The following FSTL5 variants were observed in gnomAD, a reference collection of about 807,000 sequenced individuals.
The protein encoded by FSTL5 is follistatin-related protein 5.
FSTL5 carries 62 observed loss-of-function variants against 89.1 expected under a neutral mutation model. The observed-to-expected ratio is 0.70, with a 90% CI of 0.57 to 0.86. The LOEUF is 0.86. Among genes scored for constraint, FSTL5 ranks in the 40% least tolerant of loss-of-function variants. The pLI is 0.00. For missense variants in FSTL5, 1,057 were observed against 1,001.6 expected (o/e 1.06, Z -0.75); for synonymous variants, 383 against 346.2 (o/e 1.11, Z -1.18).
chr4:162,040,397 T>C (rs1367114967), intron 2 of FSTL5, among the ~76,000 whole-genome samples: 1 of 152,022 alleles, frequency 6.6e-6, no homozygotes, highest in Non-Finnish European at 1.5e-5. Flanking sequence ...TTCTGACACA[T>C]GAATACTCAT....
intron 2 of FSTL5, among the ~76,000 whole-genome samples, chr4:162,067,205 C>T (rs900905518): frequency 1.3e-5 from 2 of 151,958 alleles, no homozygotes; most frequent in Non-Finnish European, 2.9e-5. Flanking sequence ...AAGGCCATGC[C>T]CCCACACCCA....
intron 15 of FSTL5, among the ~76,000 whole-genome samples, chr4:161,418,002 GA>G (rs1560885299): frequency 6.6e-6 from 1 of 151,910 alleles, no homozygotes; most frequent in Non-Finnish European, 1.5e-5. Context: ...AGATTGATGA[GA>G]AAAAAAATCA....
intron 15 of FSTL5, among the ~76,000 whole-genome samples, chr4:161,428,725 C>T (rs1026418595): frequency 1.1e-4 from 16 of 152,102 alleles, no homozygotes; most frequent in African/African-American, 2.9e-4. Context: ...CAGTGATACC[C>T]GGACAGTACT....
At chr4:161,441,729 G>GT (rs1477911502) in intron 15 of FSTL5, among the ~76,000 whole-genome samples, 1 of 152,036 alleles carries the variant, frequency 6.6e-6, no homozygotes, top group Non-Finnish European at 1.5e-5. Context: ...AGGGTTCAAG[G>GT]TTTTTTGAAT....
chr4:161,412,002 A>T (rs1231198504), intron 15 of FSTL5, among the ~76,000 whole-genome samples: 1 of 152,220 alleles, frequency 6.6e-6, no homozygotes, highest in African/African-American at 2.4e-5. Context: ...GTTTCACCAT[A>T]CAAAATTAAT....
At chr4:161,881,813 T>G (rs1732644469) in intron 4 of FSTL5, among the ~76,000 whole-genome samples, 1 of 152,170 alleles carries the variant, frequency 6.6e-6, no homozygotes, top group East Asian at 1.9e-4. Flanking sequence ...AGCATAATAC[T>G]TTGTGATCAT....
intron 3 of FSTL5, among the ~76,000 whole-genome samples, chr4:161,929,342 C>T (rs1264229382): frequency 6.6e-6 from 1 of 150,936 alleles, no homozygotes; most frequent in African/African-American, 2.4e-5. Flanking sequence ...TTTCCTTTCT[C>T]CAGCACCATA....
chr4:162,031,240 A>C (rs2111190511), intron 3 of FSTL5, among the ~76,000 whole-genome samples: 1 of 152,310 alleles, frequency 6.6e-6, no homozygotes, highest in South Asian at 2.1e-4. Context: ...GCAGAAAATA[A>C]GACTTCTAGA....
intron 8 of FSTL5, among the ~76,000 whole-genome samples, chr4:161,543,530 C>T (rs972820079): frequency 6.6e-6 from 1 of 151,788 alleles, no homozygotes; most frequent in African/African-American, 2.4e-5. Context: ...AAAAAAAAAT[C>T]TTGAAAAAGT....
chr4:161,784,067 C>T (rs1310312734), intron 4 of FSTL5, among the ~76,000 whole-genome samples: 3 of 151,778 alleles, frequency 2.0e-5, no homozygotes, highest in East Asian at 3.9e-4. Flanking sequence ...TCTTAGGTAG[C>T]TGGGATTACA....
chr4:161,696,468 A>T (rs1738173161), intron 6 of FSTL5, among the ~76,000 whole-genome samples: 1 of 152,028 alleles, frequency 6.6e-6, no homozygotes, highest in Admixed American at 6.6e-5. Context: ...TATGAATTTT[A>T]GGATTGTTTT....
intron 6 of FSTL5, among the ~76,000 whole-genome samples, chr4:161,658,091 T>C (rs1407691982): frequency 6.6e-6 from 1 of 152,190 alleles, no homozygotes; most frequent in African/African-American, 2.4e-5. Context: ...AAACATCTTG[T>C]CCATTTCTTT....
intron 13 of FSTL5, among the ~76,000 whole-genome samples, chr4:161,468,954 T>C (rs1365847446): frequency 2.0e-5 from 3 of 152,166 alleles, no homozygotes; most frequent in Non-Finnish European, 4.4e-5. Flanking sequence ...TTTACCATCT[T>C]AACCATTTTT....
At chr4:162,039,653 T>A (rs1737873437) in intron 2 of FSTL5, among the ~76,000 whole-genome samples, 1 of 152,002 alleles carries the variant, frequency 6.6e-6, no homozygotes, top group Non-Finnish European at 1.5e-5. Context: ...CAAGCTGTGT[T>A]TAGCTTGGCT....
chr4:161,712,343 T>C (rs1247597514), intron 6 of FSTL5, among the ~76,000 whole-genome samples: 2 of 152,156 alleles, frequency 1.3e-5, no homozygotes, highest in Non-Finnish European at 2.9e-5. Context: ...TAAGACCTGC[T>C]ACTATGTAGA....
chr4:162,144,481 T>C (rs969174740), intron 1 of FSTL5, among the ~76,000 whole-genome samples: 1 of 152,146 alleles, frequency 6.6e-6, no homozygotes, highest in Non-Finnish European at 1.5e-5. Context: ...TGTTAGAGTA[T>C]GCTATGATGC....
At chr4:162,162,055 T>G (rs966800274) in intron 1 of FSTL5, among the ~76,000 whole-genome samples, 11 of 152,112 alleles carry the variant, frequency 7.2e-5, no homozygotes, top group African/African-American at 2.7e-4. Flanking sequence ...AAAGAATATC[T>G]GTTTAGGGTA....
intron 6 of FSTL5, among the ~76,000 whole-genome samples, chr4:161,673,514 C>A (rs1737191860): frequency 6.6e-6 from 1 of 151,936 alleles, no homozygotes; most frequent in East Asian, 1.9e-4. Context: ...TAACAAAAAT[C>A]TAAACTAATT....
At chr4:161,706,286 G>A (rs1008099996) in intron 6 of FSTL5, among the ~76,000 whole-genome samples, 5 of 151,584 alleles carry the variant, frequency 3.3e-5, no homozygotes, top group African/African-American at 1.2e-4. Context: ...AAATAGGAAA[G>A]CAGTTGATAA....
Sources: allele counts gnomAD v4.1 joint callset (sites outside exome capture counted in the v4.1 genomes callset), GRCh38; gene constraint gnomAD v4.1.1; transcripts MANE v1.5; gene names NCBI Gene and HGNC (gene_info 2026-07-23, HGNC 2026-07-21).